The following FGF12 variants were observed in gnomAD, a reference collection of about 807,000 sequenced individuals.
The protein encoded by FGF12 is fibroblast growth factor 12.
A neutral mutation model predicts 23.6 loss-of-function variants in FGF12; 14 were observed. That is an observed-to-expected ratio of 0.59 (90% confidence interval 0.39 to 0.93). FGF12 has a LOEUF of 0.93. Among genes scored for constraint, FGF12 ranks in the 40% least tolerant of loss-of-function variants. The pLI is 0.00. For missense variants in FGF12, 175 were observed against 217.8 expected (o/e 0.80, Z 1.24); for synonymous variants, 62 against 77.3 (o/e 0.80, Z 1.04).
At chr3:192,175,229 C>A (rs751021892) in intron 4 of FGF12, among the ~76,000 whole-genome samples, 1 of 152,124 alleles carries the variant, frequency 6.6e-6, no homozygotes, top group Non-Finnish European at 1.5e-5. Context: ...CCCAGGCCAC[C>A]TTGATCCAGT....
rs1305117175 is a variant in FGF12, at chr3:192,336,484, C to T, written c.125-1020G>A. On this transcript the variant is annotated intron_variant, in intron 3 of 5. Coordinates refer to ENST00000445105, the MANE Select transcript of FGF12 (RefSeq NM_004113.6). The surrounding 1 kb of genome is among the most constrained non-coding windows in gnomAD (Gnocchi z 4.3). ...GCATAAACAGAAAACACTGCCCCCA[C>T]CCTGAAACAATTCACATTGCATATG... 1.3e-5 allele frequency among the ~76,000 whole-genome samples: 2 copies of T among 152,074 alleles called. No individual in the cohort carries two copies. The highest frequency in any genetic ancestry group is 4.8e-5 in the African/African-American group (2 of 41,420).
intron 4 of FGF12, among the ~76,000 whole-genome samples, chr3:192,209,974 G>A (rs749267170): frequency 6.1e-4 from 93 of 152,220 alleles, no homozygotes; most frequent in Admixed American, 1.9e-3. Flanking sequence ...AAAAAAAATA[G>A]CTTTCATAGT....
intron 2 of FGF12, among the ~76,000 whole-genome samples, chr3:192,660,594 C>A (rs1716627492): frequency 6.6e-6 from 1 of 151,328 alleles, no homozygotes; most frequent in South Asian, 2.1e-4. Flanking sequence ...AGAGCTCTGA[C>A]CATTGTATAC....
chr3:192,534,956 T>C lies in FGF12; in HGVS notation c.14-174418A>G, dbSNP rs184687577. Among the ~76,000 whole-genome samples, 34 of 152,268 alleles carry C rather than the reference T, an allele frequency of 2.2e-4. 1 individual carries two copies. In the East Asian group the frequency reaches 3.9e-3, roughly 17 times the overall value. On this transcript the variant is annotated intron_variant, in intron 2 of 5. Transcript: ENST00000445105. ...TTTGATTTTAAGTCTAACTTTTACC[T>C]TACACAATTTATGATCTTATATTCT...
chr3:192,531,178 G>A (rs903779887), intron 2 of FGF12, among the ~76,000 whole-genome samples: 1 of 152,162 alleles, frequency 6.6e-6, no homozygotes, highest in Non-Finnish European at 1.5e-5. Context: ...AGCTACACAC[G>A]TTATTAGAGT....
intron 5 of FGF12, among the ~76,000 whole-genome samples, chr3:192,160,996 A>G (rs1353109901): frequency 6.6e-6 from 1 of 152,166 alleles, no homozygotes; most frequent in East Asian, 1.9e-4. Context: ...TAATCAAATA[A>G]TAAGCCTCAT....
intron 4 of FGF12, among the ~76,000 whole-genome samples, chr3:192,328,193 T>C (rs4687321): frequency 0.34 from 51,961 of 152,062 alleles, 11,533 homozygotes; most frequent in African/African-American, 0.62. Flanking sequence ...AAAGAACTTG[T>C]CCAAAAAGAG....
intron 2 of FGF12, among the ~76,000 whole-genome samples, chr3:192,702,352 G>C (rs1345998538): frequency 6.6e-6 from 1 of 152,098 alleles, no homozygotes; most frequent in Non-Finnish European, 1.5e-5. Context: ...TCCTAGCTTT[G>C]TGATCACAAA....
intron 2 of FGF12, among the ~76,000 whole-genome samples, chr3:192,559,338 G>T (rs1456910338): frequency 1.3e-5 from 2 of 151,902 alleles, no homozygotes; most frequent in South Asian, 2.1e-4. Context: ...CATATAAATG[G>T]TCAATAGGTG....
chr3:192,333,838 C>T (rs564424678), intron 4 of FGF12, among the ~76,000 whole-genome samples: 2 of 152,106 alleles, frequency 1.3e-5, no homozygotes, highest in African/African-American at 4.8e-5. Flanking sequence ...GGTGATTACC[C>T]CACCATGCGA....
chr3:192,550,226 A>C (rs1725597387), intron 2 of FGF12, among the ~76,000 whole-genome samples: 1 of 151,308 alleles, frequency 6.6e-6, no homozygotes, highest in African/African-American at 2.4e-5. Flanking sequence ...ACATATGTGT[A>C]TATGTACAGA....
intron 2 of FGF12, among the ~76,000 whole-genome samples, chr3:192,516,034 C>A (rs1169047438): frequency 1.3e-5 from 2 of 152,178 alleles, no homozygotes; most frequent in East Asian, 3.9e-4. Context: ...CAAATTCCTA[C>A]TAGGTGTGTG....
chr3:192,247,938 T>C (rs1711736275), intron 4 of FGF12, among the ~76,000 whole-genome samples: 1 of 152,222 alleles, frequency 6.6e-6, no homozygotes, highest in Non-Finnish European at 1.5e-5. Flanking sequence ...TAGGACTTTT[T>C]AAATTGGGGC....
intron 2 of FGF12, among the ~76,000 whole-genome samples, chr3:192,417,874 T>A (rs1349674248): frequency 6.6e-6 from 1 of 152,060 alleles, no homozygotes; most frequent in African/African-American, 2.4e-5. Context: ...CTAAGAGATC[T>A]GAGCCTTGGA....
chr3:192,512,947 A>G lies in FGF12; in HGVS notation c.14-152409T>C, dbSNP rs568987056. Among the ~76,000 whole-genome samples the G allele has an allele frequency of 1.1e-4, 16 of 149,706 alleles. No homozygotes were observed. In the South Asian group the frequency reaches 3.2e-3, roughly 30 times the overall value. On this transcript the variant is annotated intron_variant, in intron 2 of 5. Transcript: ENST00000445105. Reference sequence around the variant, plus strand: ...AGTGACTTATTGAGAATGTGTTACAACTAAATCAGTCCCATACTTGCAACA... The same window carrying G: ...AGTGACTTATTGAGAATGTGTTACAGCTAAATCAGTCCCATACTTGCAACA...
intron 2 of FGF12, among the ~76,000 whole-genome samples, chr3:192,603,225 G>A (rs1484235955): frequency 6.6e-6 from 1 of 152,100 alleles, no homozygotes; most frequent in Non-Finnish European, 1.5e-5. Context: ...ATCCAAATAG[G>A]AAAATAAGAA....
chr3:192,421,358 G>C (rs1721520692), intron 2 of FGF12, among the ~76,000 whole-genome samples: 1 of 151,522 alleles, frequency 6.6e-6, no homozygotes, highest in Non-Finnish European at 1.5e-5. Flanking sequence ...GTTTTAGAGA[G>C]TCTAAACAAT....
intron 4 of FGF12, among the ~76,000 whole-genome samples, chr3:192,325,172 C>A (rs1167779198): frequency 6.6e-6 from 1 of 152,046 alleles, no homozygotes; most frequent in Non-Finnish European, 1.5e-5. Context: ...TGACAGAATT[C>A]CATATTTTCT....
intron 2 of FGF12, among the ~76,000 whole-genome samples, chr3:192,361,897 T>C (rs1019086303): frequency 6.6e-6 from 1 of 152,170 alleles, no homozygotes; most frequent in Admixed American, 6.5e-5. Context: ...AAATTGGGAA[T>C]GAGGAAGCAG....
Sources: gnomAD v4.1 joint callset for allele counts (sites outside exome capture counted in the v4.1 genomes callset) on GRCh38, gnomAD v4.1.1 for gene constraint, Gnocchi (gnomAD v3.1) non-coding constraint, MANE v1.5 for transcripts, NCBI Gene and HGNC (gene_info 2026-07-23, HGNC 2026-07-21) for gene names.